Variants in SCAPER observed in about 807,000 individuals in gnomAD.
SCAPER encodes S phase cyclin A-associated protein in the endoplasmic reticulum.
In SCAPER, 98 loss-of-function variants were observed where a neutral mutation model predicts 182.2. That is an observed-to-expected ratio of 0.54 (90% CI 0.46 to 0.64). SCAPER has a LOEUF of 0.64. Among genes scored for constraint, SCAPER ranks in the 30% least tolerant of loss-of-function variants. The pLI, the probability that SCAPER is intolerant of heterozygous loss-of-function variation, is 0.00. For synonymous variants in SCAPER, 605 were observed against 564.6 expected (o/e 1.07, Z -1.01); for missense variants, 1,432 against 1,690.0 (o/e 0.85, Z 2.68).
intron 24 of SCAPER, 111 bp downstream of exon 24, chr15:76,504,748 A>G: frequency 1.2e-6 from 1 of 822,356 alleles, no homozygotes. Flanking sequence ...AGATTTTGGT[A>G]TTCAACCCTG....
chr15:76,736,477 C>A (rs1050239344), intron 15 of SCAPER, among the ~76,000 whole-genome samples: 2 of 152,152 alleles, frequency 1.3e-5, no homozygotes, highest in Non-Finnish European at 2.9e-5. Flanking sequence ...GAGTTTCTTT[C>A]AAAATTGGAG....
At chr15:76,633,307 G>A (rs1288159414) in intron 21 of SCAPER, among the ~76,000 whole-genome samples, 1 of 152,176 alleles carries the variant, frequency 6.6e-6, no homozygotes, top group African/African-American at 2.4e-5. Context: ...TCCTCTGGGA[G>A]CTCTGACCCA....
At chr15:76,782,833 G>C (rs1366962339) in intron 8 of SCAPER, among the ~76,000 whole-genome samples, 1 of 151,904 alleles carries the variant, frequency 6.6e-6, no homozygotes, top group Non-Finnish European at 1.5e-5. Context: ...TTGAAACCAA[G>C]CAGAACAAAG....
At chr15:76,716,636 T>C (rs549725505) in intron 17 of SCAPER, among the ~76,000 whole-genome samples, 74 of 151,342 alleles carry the variant, frequency 4.9e-4, no homozygotes, top group South Asian at 1.0e-3. Context: ...TCAATAAAAA[T>C]CTTAAGAGCT....
intron 26 of SCAPER, among the ~76,000 whole-genome samples, chr15:76,426,395 G>C (rs1009307650): frequency 2.6e-5 from 4 of 152,276 alleles, no homozygotes; most frequent in East Asian, 1.9e-4. Context: ...CATGGGTGTG[G>C]GACCCTCTGA....
At chr15:76,472,388 CTG>C (rs1169905920) in intron 24 of SCAPER, 1 of 701,308 alleles carries the variant, frequency 1.4e-6, no homozygotes, top group Non-Finnish European at 2.6e-6. Context: ...TTTTTGGTGA[CTG>C]TGTACTTCTG....
chr15:76,492,202 T>C (rs916435137), intron 24 of SCAPER, among the ~76,000 whole-genome samples: 1 of 152,224 alleles, frequency 6.6e-6, no homozygotes, highest in African/African-American at 2.4e-5. Context: ...GAAATCATAC[T>C]TCTCAGCTTA....
intron 1 of SCAPER, among the ~76,000 whole-genome samples, chr15:76,897,881 G>C (rs1481991755): frequency 2.6e-5 from 4 of 151,580 alleles, no homozygotes; most frequent in Non-Finnish European, 5.9e-5. Flanking sequence ...TTTTTTTTTA[G>C]GTAAATTCCA....
rs550658297 is a variant in SCAPER at position 76,702,527 on chromosome 15, A to C, written c.2400+323T>G. Reference sequence around the variant, plus strand: ...CAGTGGCATGATCTTGGCTCACTGCAACCTCCACCTCCTGGGTTCAAAGGA... The same window carrying C: ...CAGTGGCATGATCTTGGCTCACTGCCACCTCCACCTCCTGGGTTCAAAGGA... On this transcript the variant is annotated intron_variant, in intron 19 of 31. Transcript: ENST00000563290. 2.6e-4 allele frequency among the ~76,000 whole-genome samples: 40 copies of C among 152,188 alleles called. No homozygotes were observed. The East Asian group carries it at 7.4e-3, about 28-fold the overall frequency.
intron 24 of SCAPER, among the ~76,000 whole-genome samples, chr15:76,489,838 CTCTGCTT>C (rs2052101589): frequency 6.6e-6 from 1 of 152,126 alleles, no homozygotes; most frequent in South Asian, 2.1e-4. Context: ...TAGTTCTGCT[CTCTGCTT>C]CTGTGAATTT....
At chr15:76,787,476 G>A (rs1405213827) in intron 8 of SCAPER, among the ~76,000 whole-genome samples, 1 of 152,090 alleles carries the variant, frequency 6.6e-6, no homozygotes, top group Non-Finnish European at 1.5e-5. Flanking sequence ...ACAAACACAT[G>A]CCACCACGCC....
At chr15:76,715,725 C>A (rs929750495) in intron 17 of SCAPER, among the ~76,000 whole-genome samples, 8 of 152,112 alleles carry the variant, frequency 5.3e-5, no homozygotes, top group African/African-American at 2.4e-5. Context: ...GTTCACTGCT[C>A]ACCAGGGACT....
intron 24 of SCAPER, among the ~76,000 whole-genome samples, chr15:76,492,347 ATATTAT>A (rs1597002421): frequency 1.3e-5 from 2 of 152,228 alleles, no homozygotes; most frequent in South Asian, 2.1e-4. Flanking sequence ...TAGTAAATAC[ATATTAT>A]TAAAACAATG....
intron 23 of SCAPER, among the ~76,000 whole-genome samples, chr15:76,547,542 G>A (rs985702004): frequency 1.3e-5 from 2 of 151,720 alleles, no homozygotes; most frequent in African/African-American, 2.4e-5. Context: ...TAGTGATTTC[G>A]GGATCTCAAA....
intron 21 of SCAPER, among the ~76,000 whole-genome samples, chr15:76,652,710 C>CA (rs2055276837): frequency 7.0e-6 from 1 of 143,770 alleles, no homozygotes; most frequent in Admixed American, 7.2e-5. Flanking sequence ...GATTCTGTCT[C>CA]AAAAAATAAT....
At position 76,465,848 on chromosome 15, in the gene SCAPER, T is replaced by G. The variant is rs76026852; in HGVS notation, c.3078+5364A>C. 8.2e-3 allele frequency among the ~76,000 whole-genome samples: 1,255 copies of G among 152,230 alleles called. 16 individuals carry two copies. The highest frequency in any genetic ancestry group is 0.029 in the African/African-American group (1,194 of 41,556). ...CTACCTTTTTTCTGCTGTGTATTCC[T>G]GGCAATCTTGTCAAAGATCAGTTAA... On this transcript the variant is annotated intron_variant, in intron 25 of 31. Transcript: ENST00000563290.
chr15:76,791,846 T>G (rs2151454147), intron 8 of SCAPER, among the ~76,000 whole-genome samples: 1 of 152,086 alleles, frequency 6.6e-6, no homozygotes, highest in South Asian at 2.1e-4. Context: ...GCATAAGGAC[T>G]AATTAAAACA....
intron 22 of SCAPER, among the ~76,000 whole-genome samples, chr15:76,615,162 G>A (rs2145991947): frequency 6.6e-6 from 1 of 152,224 alleles, no homozygotes; most frequent in Middle Eastern, 3.4e-3. Context: ...ATTCACTGGT[G>A]AATTCTACCA....
At chr15:76,672,474 A>C (rs2057092783) in intron 20 of SCAPER, among the ~76,000 whole-genome samples, 1 of 152,218 alleles carries the variant, frequency 6.6e-6, no homozygotes, top group South Asian at 2.1e-4. Context: ...AAAAAATGAT[A>C]TAAGGCATGA....
Sources: allele counts gnomAD v4.1 joint callset (sites outside exome capture counted in the v4.1 genomes callset), GRCh38; gene constraint gnomAD v4.1.1; transcripts MANE v1.5; gene names NCBI Gene and HGNC (gene_info 2026-07-23, HGNC 2026-07-21).